PTPRK: variants seen among roughly 807,000 people sequenced by gnomAD.
PTPRK encodes protein tyrosine phosphatase receptor type K.
PTPRK carries 75 observed loss-of-function variants against 178.0 expected under a neutral mutation model. That is an observed-to-expected ratio of 0.42 (90% CI 0.35 to 0.51). The LOEUF (loss-of-function observed/expected upper bound fraction) is 0.51, where lower values mean the gene tolerates loss of function less well. Ranked by LOEUF, PTPRK falls within the 20% of genes least tolerant of loss-of-function variation. The probability of loss-of-function intolerance (pLI) is 0.02; values close to 1 mark genes in which losing one functional copy is unlikely to be tolerated. For synonymous variants in PTPRK, 637 were observed against 620.6 expected, an observed-to-expected ratio of 1.03 and a Z score of -0.39; for missense variants, 1,441 against 1,797.8, an observed-to-expected ratio of 0.80 and a Z score of 3.59.
intron 2 of PTPRK, among the ~76,000 whole-genome samples, chr6:128,366,705 A>G: frequency 6.6e-6 from 1 of 152,172 alleles, no homozygotes; most frequent in Middle Eastern, 3.2e-3. Context: ...TACAGTATTA[A>G]TAACACACAA....
intron 7 of PTPRK, among the ~76,000 whole-genome samples, chr6:128,142,119 T>C (rs1337784393): frequency 6.6e-6 from 1 of 150,806 alleles, no homozygotes; most frequent in Non-Finnish European, 1.5e-5. Flanking sequence ...TATATGCATA[T>C]GTATGTGTAT....
chr6:128,177,401 A>G (rs1801231535), intron 7 of PTPRK, among the ~76,000 whole-genome samples: 1 of 151,846 alleles, frequency 6.6e-6, no homozygotes. Context: ...CTGAAGATTT[A>G]TTGTAGTTAT....
chr6:127,973,865 C>A lies in PTPRK; in HGVS notation c.3970-38G>T, dbSNP rs1774215082. On this transcript the variant is annotated intron_variant, in intron 27 of 29. Transcript: ENST00000368226. Reference sequence around the variant, plus strand: ...GTGTTTTTATGTAAATACGCTGGGACTACAATTTTTACTAAAAAGTAAAAG... The same window carrying A: ...GTGTTTTTATGTAAATACGCTGGGAATACAATTTTTACTAAAAAGTAAAAG... 4.4e-6 allele frequency: 7 copies of A among 1,579,168 alleles called. 1 individual carries two copies. The African/African-American group carries it at 8.1e-5, about 18-fold the overall frequency.
At chr6:128,226,761 CATATATATATATATAT>C (rs71028117) in intron 5 of PTPRK, among the ~76,000 whole-genome samples, 4,710 of 109,552 alleles carry the variant, frequency 0.043, 364 homozygotes, top group African/African-American at 0.15. Context: ...ATTATATAGA[CATATATATATATATAT>C]ATATATATAT....
At chr6:128,469,814 A>G (rs1487546554) in intron 1 of PTPRK, among the ~76,000 whole-genome samples, 1 of 152,096 alleles carries the variant, frequency 6.6e-6, no homozygotes, top group Non-Finnish European at 1.5e-5. Context: ...GGAGGCAGCA[A>G]AGAAAAGAGA....
chr6:128,187,722 G>A (rs1016046984), intron 6 of PTPRK, among the ~76,000 whole-genome samples: 2 of 152,076 alleles, frequency 1.3e-5, no homozygotes, highest in Admixed American at 6.6e-5. Flanking sequence ...CCAAAAATGG[G>A]GGCAGTCCAG....
chr6:128,450,952 T>G (rs2128406159), intron 1 of PTPRK, among the ~76,000 whole-genome samples: 1 of 152,300 alleles, frequency 6.6e-6, no homozygotes, highest in Middle Eastern at 3.4e-3. Flanking sequence ...CCATTTTTAC[T>G]TGACTGATTC....
chr6:127,995,531 G>T lies in PTPRK; in HGVS notation c.2775C>A (p.His925Gln). 6.4e-7 allele frequency: 1 copy of T among 1,573,816 alleles called. No individual in the cohort carries two copies. The highest frequency in any genetic ancestry group is 8.6e-7 in the Non-Finnish European group (1 of 1,158,756). ...NRYGNIIAYD[H>Q]SRVILQPVED... is the part of the protein sequence containing the mutation. ...CTACGGGTTGCAAAATCACTCTGGA[G>T]TGATCATCTAAAATTTTAAAATAAT... Residue 925 changes from histidine to glutamine, a missense_variant, in exon 18 of 30, where the codon CAC becomes CAA. Physicochemically the swap from His to Gln is conservative, Grantham distance 24. This residue lies in a region of PTPRK where 945 missense variants were observed against 1,080.6 expected (regional missense o/e 0.87). Coordinates refer to ENST00000368226, the MANE Select transcript of PTPRK (RefSeq NM_002844.4).
intron 2 of PTPRK, among the ~76,000 whole-genome samples, chr6:128,334,185 C>A (rs72972091): frequency 0.08 from 12,138 of 152,080 alleles, 564 homozygotes; most frequent in African/African-American, 0.12. Flanking sequence ...TAACAATAAT[C>A]AAGTATGAAA....
intron 7 of PTPRK, among the ~76,000 whole-genome samples, chr6:128,155,076 C>A (rs1431603672): frequency 2.6e-5 from 4 of 151,674 alleles, no homozygotes; most frequent in Non-Finnish European, 5.9e-5. Context: ...ATTAGTACAT[C>A]CTAGCAATAT....
At chr6:128,338,670 C>CGCTG (rs1831264010) in intron 2 of PTPRK, among the ~76,000 whole-genome samples, 2 of 7,928 alleles carry the variant, frequency 2.5e-4, no homozygotes, top group East Asian at 0.2. Context: ...GTCTATGCTT[C>CGCTG]CCCTCTGCAG....
rs17055286 is a variant in PTPRK, at chr6:128,105,713, T to C, written c.1163-15721A>G. Among the ~76,000 whole-genome samples the C allele has an allele frequency of 5.1e-3, 782 of 152,308 alleles. 9 individuals are homozygous for C. The highest frequency in any genetic ancestry group is 0.018 in the African/African-American group (738 of 41,582). On this transcript the variant is annotated intron_variant, in intron 7 of 29. Coordinates refer to ENST00000368226, the MANE Select transcript of PTPRK (RefSeq NM_002844.4). ...TAACTAAGTTTAATTCATAAACAAC[T>C]GATTTTTTTCAGGTTACACTCTAGA... is the stretch of plus-strand genomic sequence containing the variant.
At chr6:128,181,656 T>C (rs1801929176) in intron 7 of PTPRK, among the ~76,000 whole-genome samples, 1 of 152,118 alleles carries the variant, frequency 6.6e-6, no homozygotes, top group Non-Finnish European at 1.5e-5. Flanking sequence ...AAAATTCAGT[T>C]AATATCATAG....
intron 1 of PTPRK, among the ~76,000 whole-genome samples, chr6:128,454,972 C>T (rs1008833237): frequency 6.6e-6 from 1 of 151,962 alleles, no homozygotes; most frequent in Non-Finnish European, 1.5e-5. Flanking sequence ...AAATGTAGGG[C>T]TGTATATAAA....
chr6:128,439,251 G>A (rs1197368538), intron 1 of PTPRK, among the ~76,000 whole-genome samples: 2 of 151,956 alleles, frequency 1.3e-5, no homozygotes, highest in Non-Finnish European at 1.5e-5. Context: ...TGGTGGGGTG[G>A]GGGGCTATGA....
intron 3 of PTPRK, among the ~76,000 whole-genome samples, chr6:128,302,962 A>AACACACAC (rs112938387): frequency 0.052 from 7,942 of 151,842 alleles, 696 homozygotes; most frequent in African/African-American, 0.18. Flanking sequence ...CACACACACA[A>AACACACAC]ACACAAAACA....
chr6:128,334,030 C>T (rs1220700599), intron 2 of PTPRK, among the ~76,000 whole-genome samples: 1 of 152,150 alleles, frequency 6.6e-6, no homozygotes, highest in Non-Finnish European at 1.5e-5. Flanking sequence ...AAGACGGGAA[C>T]AGCCAGTAGG....
At chr6:128,171,603 A>C (rs1800263911) in intron 7 of PTPRK, among the ~76,000 whole-genome samples, 1 of 152,002 alleles carries the variant, frequency 6.6e-6, no homozygotes, top group South Asian at 2.1e-4. Flanking sequence ...TCCCATGAAA[A>C]TTAAACTATT....
intron 1 of PTPRK, among the ~76,000 whole-genome samples, chr6:128,475,259 A>C (rs750380819): frequency 9.9e-5 from 15 of 152,202 alleles, no homozygotes; most frequent in Non-Finnish European, 1.9e-4. Context: ...GGATTATACA[A>C]TATAATATTT....
Sources: gnomAD v4.1 joint callset for allele counts (sites outside exome capture counted in the v4.1 genomes callset) on GRCh38, gnomAD v4.1.1 for gene constraint, gnomAD v4.1.1 regional missense constraint, MANE v1.5 for transcripts, NCBI Gene and HGNC (gene_info 2026-07-23, HGNC 2026-07-21) for gene names.